CRACD: variants seen among roughly 807,000 people sequenced by gnomAD.
CRACD encodes capping protein-inhibiting regulator of actin dynamics.
In CRACD, 56 loss-of-function variants were observed where a neutral mutation model predicts 106.8. The ratio of observed to expected loss-of-function variants is 0.52; its 90% CI spans 0.42 to 0.66. CRACD has a LOEUF of 0.66. Among genes scored for constraint, CRACD ranks in the 30% least tolerant of loss-of-function variants. The pLI, the probability that CRACD is intolerant of heterozygous loss-of-function variation, is 0.00. For synonymous variants in CRACD, 754 were observed against 670.8 expected (o/e 1.12, Z -1.92); for missense variants, 1,730 against 1,623.2 (o/e 1.07, Z -1.13).
At chr4:56,214,298 T>A (rs1307924671) in intron 2 of CRACD, among the ~76,000 whole-genome samples, 1 of 152,174 alleles carries the variant, frequency 6.6e-6, no homozygotes, top group Non-Finnish European at 1.5e-5. Context: ...TGTATTTTTT[T>A]ATTTAAAAAA....
At chr4:56,090,686 C>T (rs1255924052) in intron 1 of CRACD, among the ~76,000 whole-genome samples, 2 of 152,146 alleles carry the variant, frequency 1.3e-5, no homozygotes, top group East Asian at 1.9e-4. Context: ...TAAGCCACTG[C>T]GCCCAGTCAG....
chr4:56,310,582 C>CGAATCAT, intron 5 of CRACD, 84 bp from the exon 6 acceptor site: 1 of 989,264 alleles, frequency 1.0e-6, no homozygotes. Context: ...GGGGGTGACC[C>CGAATCAT]TACCCAGGCA....
chr4:56,308,062 T>C (rs1744865229), intron 5 of CRACD, among the ~76,000 whole-genome samples: 2 of 152,210 alleles, frequency 1.3e-5, no homozygotes, highest in African/African-American at 2.4e-5. Flanking sequence ...TCTATGTCCA[T>C]GTAACTGTTT....
At chr4:56,082,103 G>T (rs1365703619) in intron 1 of CRACD, among the ~76,000 whole-genome samples, 1 of 152,186 alleles carries the variant, frequency 6.6e-6, no homozygotes, top group Non-Finnish European at 1.5e-5. Context: ...CCTTAGTATA[G>T]GGTGGTATGA....
chr4:56,170,993 A>G (rs1318571855), intron 1 of CRACD, among the ~76,000 whole-genome samples: 1 of 152,240 alleles, frequency 6.6e-6, no homozygotes, highest in Admixed American at 6.5e-5. Flanking sequence ...GCAGCAAGTC[A>G]TGCATGAGTA....
intron 2 of CRACD, among the ~76,000 whole-genome samples, chr4:56,233,507 C>T (rs983474122): frequency 1.3e-5 from 2 of 152,108 alleles, no homozygotes; most frequent in Non-Finnish European, 2.9e-5. Flanking sequence ...TCAGTATATA[C>T]ATGAGCTGGA....
intron 2 of CRACD, among the ~76,000 whole-genome samples, chr4:56,267,679 C>T (rs764000060): frequency 6.6e-6 from 1 of 152,110 alleles, no homozygotes; most frequent in Non-Finnish European, 1.5e-5. Flanking sequence ...TTTTACTGTT[C>T]TTTCACCGTC....
chr4:56,280,015 C>A (rs1402954143), intron 3 of CRACD, among the ~76,000 whole-genome samples: 4 of 151,420 alleles, frequency 2.6e-5, no homozygotes, highest in African/African-American at 9.7e-5. Flanking sequence ...AAGCTGGAAA[C>A]CATCATTCTC....
At chr4:56,144,208 G>A (rs1735302570) in intron 1 of CRACD, among the ~76,000 whole-genome samples, 4 of 152,136 alleles carry the variant, frequency 2.6e-5, no homozygotes, top group Admixed American at 2.6e-4. Context: ...GAAGGGGGGA[G>A]AGTTGAGAGA....
rs576260180 is a variant in CRACD, at chr4:56,207,538, A to C, written c.-189+28108A>C. 5.3e-5 allele frequency among the ~76,000 whole-genome samples: 8 copies of C among 151,996 alleles called. No homozygotes were observed. The South Asian group carries it at 1.0e-3, about 20-fold the overall frequency. On this transcript the variant is annotated intron_variant, in intron 2 of 10. Coordinates refer to ENST00000682029, the MANE Select transcript of CRACD (RefSeq NM_001393381.1). Reference sequence around the variant, plus strand: ...AGTTTCTTGGCCACAGTGGCCCTTTATCTCCCATCTATCAAGGCATAAGGT... The same window carrying C: ...AGTTTCTTGGCCACAGTGGCCCTTTCTCTCCCATCTATCAAGGCATAAGGT...
chr4:56,136,023 CT>C (rs879266299), intron 1 of CRACD, among the ~76,000 whole-genome samples: 428 of 144,292 alleles, frequency 3.0e-3, no homozygotes, highest in East Asian at 5.9e-3. Context: ...AGTATGTACT[CT>C]TTTTTTTTTT....
intron 2 of CRACD, among the ~76,000 whole-genome samples, chr4:56,185,406 C>T (rs1181784486): frequency 1.3e-5 from 2 of 152,182 alleles, no homozygotes; most frequent in Non-Finnish European, 2.9e-5. Flanking sequence ...AGCCACCAAT[C>T]TTTCTGTCTC....
intron 1 of CRACD, among the ~76,000 whole-genome samples, chr4:56,077,426 ATATC>A (rs1328515028): frequency 6.6e-6 from 1 of 152,200 alleles, no homozygotes; most frequent in East Asian, 1.9e-4. Context: ...CAGCCAAACC[ATATC>A]ATTATGTATA....
chr4:56,108,856 G>A (rs1339460894), intron 1 of CRACD, among the ~76,000 whole-genome samples: 1 of 152,314 alleles, frequency 6.6e-6, no homozygotes, highest in Non-Finnish European at 1.5e-5. Context: ...TATCTACTAC[G>A]AACTTCAAAG....
At chr4:56,320,248 C>T (rs1745993490) in intron 8 of CRACD, among the ~76,000 whole-genome samples, 1 of 152,086 alleles carries the variant, frequency 6.6e-6, no homozygotes, top group African/African-American at 2.4e-5. Context: ...TCCCTTTCTC[C>T]AAGGAATGCC....
intron 1 of CRACD, among the ~76,000 whole-genome samples, chr4:56,058,682 A>G (rs1388632997): frequency 6.6e-6 from 1 of 152,186 alleles, no homozygotes; most frequent in Non-Finnish European, 1.5e-5. Context: ...TTTGTCTGCT[A>G]TTTTTAGTTG....
rs577446219 is a variant in CRACD at position 56,308,496 on chromosome 4, A to C, written c.285+797A>C. ...AAAAAAAAATGAAAAAACAAACAAA[A>C]AAAAAACCCATTCTCTAGGCTCTGC... On this transcript the variant is annotated intron_variant, in intron 5 of 10. Coordinates refer to ENST00000682029, the MANE Select transcript of CRACD (RefSeq NM_001393381.1). Among the ~76,000 whole-genome samples the C allele has an allele frequency of 8.4e-3, 1,276 of 152,208 alleles. 22 individuals are homozygous for C. The highest frequency in any genetic ancestry group is 0.026 in the African/African-American group (1,095 of 41,538).
intron 2 of CRACD, among the ~76,000 whole-genome samples, chr4:56,254,953 AAAAT>A (rs1741262325): frequency 6.6e-6 from 1 of 151,820 alleles, no homozygotes; most frequent in Non-Finnish European, 1.5e-5. Context: ...AAAATACAAA[AAAAT>A]AATAATAATA....
chr4:56,204,343 G>A (rs1232126654), intron 2 of CRACD, among the ~76,000 whole-genome samples: 1 of 152,198 alleles, frequency 6.6e-6, no homozygotes, highest in Non-Finnish European at 1.5e-5. Flanking sequence ...GAAAAGAAAA[G>A]AAATTTATTT....
Sources: allele counts gnomAD v4.1 joint callset (sites outside exome capture counted in the v4.1 genomes callset), GRCh38; gene constraint gnomAD v4.1.1; transcripts MANE v1.5; gene names NCBI Gene and HGNC (gene_info 2026-07-23, HGNC 2026-07-21).